Variants in STK32C observed in about 807,000 individuals in gnomAD.
The protein encoded by STK32C is serine/threonine-protein kinase 32C.
In STK32C, 31 loss-of-function variants were observed where a neutral mutation model predicts 56.5. The observed-to-expected ratio is 0.55, with a 90% CI of 0.41 to 0.74. The LOEUF (loss-of-function observed/expected upper bound fraction) is 0.74. STK32C is among the 30% of genes least tolerant of loss of function. The pLI, the probability that STK32C is intolerant of heterozygous loss-of-function variation, is 0.00. For synonymous variants in STK32C, 309 were observed against 289.4 expected, an observed-to-expected ratio of 1.07 and a Z score of -0.69; for missense variants, 544 against 676.9, an observed-to-expected ratio of 0.80 and a Z score of 2.18.
intron 1 of STK32C, among the ~76,000 whole-genome samples, chr10:132,327,502 G>T (rs1414703565): frequency 6.6e-6 from 1 of 151,626 alleles, no homozygotes. Context: ...TTGAGACAGG[G>T]TCTTGCTCTG....
At chr10:132,270,464 C>T (rs1028727561) in intron 1 of STK32C, among the ~76,000 whole-genome samples, 43 of 152,206 alleles carry the variant, frequency 2.8e-4, no homozygotes, top group Admixed American at 2.7e-3. Context: ...CGAGAGCAAA[C>T]CCTCCACGGC....
chr10:132,228,152 C>CAGGACGCCTG, intron 2 of STK32C, 24 bp from the exon 3 acceptor site: 1 of 1,613,848 alleles, frequency 6.2e-7, no homozygotes, highest in Non-Finnish European at 8.5e-7. Context: ...GGCTGTTCGG[C>CAGGACGCCTG]AGGACGCCTG....
chr10:132,283,440 A>G (rs373378865), intron 1 of STK32C, among the ~76,000 whole-genome samples: 32 of 152,222 alleles, frequency 2.1e-4, no homozygotes, highest in African/African-American at 2.9e-4. Flanking sequence ...CAGCGGAGGC[A>G]GAGTCCTGGA....
At chr10:132,220,854 T>C (rs1449876388) in intron 10 of STK32C, among the ~76,000 whole-genome samples, 2 of 152,244 alleles carry the variant, frequency 1.3e-5, no homozygotes, top group African/African-American at 4.8e-5. Context: ...GGAACAGAGC[T>C]GCACCATGCC....
At chr10:132,224,965 G>T (rs532673217) in intron 7 of STK32C, among the ~76,000 whole-genome samples, 39 of 152,330 alleles carry the variant, frequency 2.6e-4, no homozygotes, top group African/African-American at 9.4e-4. Flanking sequence ...CACCCCTGCT[G>T]GCCAGTTCTC....
chr10:132,233,656 G>A (rs553814970), intron 2 of STK32C, among the ~76,000 whole-genome samples: 1 of 152,346 alleles, frequency 6.6e-6, no homozygotes, highest in East Asian at 1.9e-4. Context: ...CACTGCAGAT[G>A]GCAGAGGGGG....
chr10:132,282,499 ACCTGTGCCTGCG>A (rs2065246359), intron 1 of STK32C, among the ~76,000 whole-genome samples: 1 of 125,744 alleles, frequency 8.0e-6, no homozygotes, highest in African/African-American at 2.8e-5. Context: ...GCCTGCGCCC[ACCTGTGCCTGCG>A]CCCACCTGTG....
At chr10:132,280,326 CCTGA>C (rs148154206) in intron 1 of STK32C, among the ~76,000 whole-genome samples, 1,659 of 144,498 alleles carry the variant, frequency 0.011, 15 homozygotes, top group Admixed American at 0.026. Context: ...CACTGCACTC[CCTGA>C]CTATGCTGAG....
chr10:132,271,022 A>G (rs143112286), intron 1 of STK32C, among the ~76,000 whole-genome samples: 75 of 152,254 alleles, frequency 4.9e-4, no homozygotes, highest in Middle Eastern at 3.4e-3. Flanking sequence ...GGGTGAGACC[A>G]AGGGGGTTCT....
At chr10:132,309,166 G>A (rs2066172363), upstream of STK32C, among the ~76,000 whole-genome samples, 1 of 152,068 alleles carries the variant, frequency 6.6e-6, no homozygotes, top group Non-Finnish European at 1.5e-5. Context: ...CAGCCACTGT[G>A]AGCCCTGCCT....
chr10:132,238,275 T>C (rs1016587455), intron 2 of STK32C, among the ~76,000 whole-genome samples: 3 of 152,172 alleles, frequency 2.0e-5, no homozygotes, highest in African/African-American at 7.2e-5. Flanking sequence ...GAGATGCCCC[T>C]TGCTTTAAAA....
At chr10:132,331,648 T>C in exon 1 of STK32C, 1 of 1,612,852 alleles carries the variant, frequency 6.2e-7, no homozygotes, top group Non-Finnish European at 8.5e-7. Flanking sequence ...CCAAAGGTGG[T>C]GCCTCAGCAG....
intron 10 of STK32C, among the ~76,000 whole-genome samples, chr10:132,212,504 A>G (rs915635027): frequency 1.3e-5 from 2 of 152,228 alleles, no homozygotes; most frequent in African/African-American, 4.8e-5. Context: ...CTGTGGCCTC[A>G]GCTGAGGTGA....
intron 1 of STK32C, among the ~76,000 whole-genome samples, chr10:132,253,091 C>T (rs763367947): frequency 3.3e-5 from 5 of 152,246 alleles, no homozygotes; most frequent in African/African-American, 4.8e-5. Context: ...CAGGGACGTT[C>T]GTCCTCCCTA....
intron 1 of STK32C, among the ~76,000 whole-genome samples, chr10:132,253,763 C>G (rs1483786542): frequency 2.0e-5 from 3 of 152,228 alleles, no homozygotes; most frequent in Non-Finnish European, 4.4e-5. Context: ...ATGGCCAAGA[C>G]GTCACCTCTG....
At chr10:132,268,032 C>T (rs1464840394) in intron 1 of STK32C, among the ~76,000 whole-genome samples, 2 of 135,032 alleles carry the variant, frequency 1.5e-5, no homozygotes, top group South Asian at 2.5e-4. Context: ...TATGCATGTT[C>T]GGCTCTATGC....
At chr10:132,290,531 C>T (rs889685656) in intron 1 of STK32C, among the ~76,000 whole-genome samples, 2 of 152,208 alleles carry the variant, frequency 1.3e-5, no homozygotes, top group African/African-American at 2.4e-5. Context: ...CATCTCCAAA[C>T]TCAAAGCCAG....
In STK32C at chr10:132,225,026, C is replaced by G. The variant is rs146499114; in HGVS notation, c.876+207G>C. ...GGCCTGCAGGCACCAGCAGCGGCCC[C>G]GGGAAACCACAGTGAGTCTGTCCTT... is the stretch of plus-strand genomic sequence containing the variant. On this transcript the variant is annotated intron_variant, in intron 7 of 11. Coordinates refer to ENST00000298630, the MANE Select transcript of STK32C (RefSeq NM_173575.4). Among the ~76,000 whole-genome samples the G allele has an allele frequency of 9.8e-3, 1,490 of 152,350 alleles. 13 individuals carry two copies. The highest frequency in any genetic ancestry group is 0.027 in the Middle Eastern group (8 of 294).
At chr10:132,258,780 C>T (rs1346775689) in intron 1 of STK32C, among the ~76,000 whole-genome samples, 3 of 152,216 alleles carry the variant, frequency 2.0e-5, no homozygotes, top group South Asian at 2.1e-4. Context: ...GCCACACGGT[C>T]GCACACCTCA....
Sources: allele counts gnomAD v4.1 joint callset (sites outside exome capture counted in the v4.1 genomes callset), GRCh38; gene constraint gnomAD v4.1.1; transcripts MANE v1.5; gene names NCBI Gene and HGNC (gene_info 2026-07-23, HGNC 2026-07-21).